Variants in FNBP4 observed in about 807,000 individuals in gnomAD.
FNBP4 encodes the protein formin-binding protein 4.
FNBP4 carries 34 observed loss-of-function variants against 119.3 expected under a neutral mutation model. The observed-to-expected ratio is 0.28, with a 90% CI of 0.22 to 0.38. The LOEUF is 0.38. Among genes scored for constraint, FNBP4 ranks in the 10% least tolerant of loss-of-function variants. The pLI, the probability that FNBP4 is intolerant of heterozygous loss-of-function variation, is 1.00. For synonymous variants in FNBP4, 462 were observed against 430.6 expected (o/e 1.07, Z -0.90); for missense variants, 1,112 against 1,228.9 (o/e 0.90, Z 1.42).
At chr11:47,754,759 T>A in intron 2 of FNBP4, 95 bp from the exon 3 acceptor site, 1 of 1,381,580 alleles carries the variant, frequency 7.2e-7, no homozygotes, top group Non-Finnish European at 9.9e-7. Context: ...TTTTTAAACT[T>A]ACTTACAGAT....
rs940948597 is a variant in FNBP4 at position 47,731,640 on chromosome 11, C to T, written c.1821-79G>A. On this transcript the variant is annotated intron_variant, in intron 11 of 16. Transcript: ENST00000263773. Reference sequence around the variant, plus strand: ...ACTTCCATTTGGTCCTGTCCCAGGACAGCAGTCTGCTTTCACAGGGACGAA... The same window carrying T: ...ACTTCCATTTGGTCCTGTCCCAGGATAGCAGTCTGCTTTCACAGGGACGAA... 4.6e-6 allele frequency: 7 copies of T among 1,520,272 alleles called. No individual in the cohort carries two copies. The African/African-American group carries it at 7.0e-5, about 15-fold the overall frequency. 94.2% of individuals were successfully genotyped at this position (1,520,272 alleles called of 1,614,324 possible). A position where few individuals can be genotyped will look rare whatever the true frequency, so the allele number is the denominator to read the frequency against.
chr11:47,721,436 AT>A (rs2097555541), intron 15 of FNBP4, among the ~76,000 whole-genome samples: 1 of 151,968 alleles, frequency 6.6e-6, no homozygotes, highest in African/African-American at 2.4e-5. Context: ...TACTAAAAAT[AT>A]AAAAAATACA....
intron 13 of FNBP4, 81 bp from the exon 14 acceptor site, chr11:47,724,253 G>A: frequency 1.3e-6 from 2 of 1,558,192 alleles, no homozygotes; most frequent in Non-Finnish European, 8.7e-7. Flanking sequence ...TTTGAGACAG[G>A]CTCTCATTCT....
In FNBP4 at chr11:47,751,298, A is replaced by G. The variant is rs376863819; in HGVS notation, c.638-8T>C. The G allele has an allele frequency of 1.6e-5, 26 of 1,613,696 alleles. No individual in the cohort carries two copies. The Admixed American group carries it at 3.3e-4, about 21-fold the overall frequency. On this transcript the variant is annotated splice_region_variant and splice_polypyrimidine_tract_variant and intron_variant, in intron 4 of 16. Coordinates refer to ENST00000263773, the MANE Select transcript of FNBP4 (RefSeq NM_015308.5). ...CGCCCATCTCAATTCCGACTAGAAGATAAAACAAATTTTAAGCACAAATCC... is the reference window on the plus strand; with the variant it reads ...CGCCCATCTCAATTCCGACTAGAAGGTAAAACAAATTTTAAGCACAAATCC...
At chr11:47,761,741 A>G (rs989089369) in intron 2 of FNBP4, among the ~76,000 whole-genome samples, 1 of 152,184 alleles carries the variant, frequency 6.6e-6, no homozygotes. Context: ...AAGTGAGACC[A>G]TGTCTACAGA....
chr11:47,732,012 G>C lies in FNBP4; in HGVS notation c.1821-451C>G, dbSNP rs1278458490. ...GATATCAAACACAGTGAAAGCTAAA[G>C]AGAGGGAGAGGATCTGGGAGCTGAA... On this transcript the variant is annotated intron_variant, in intron 11 of 16. Coordinates refer to ENST00000263773, the MANE Select transcript of FNBP4 (RefSeq NM_015308.5). The surrounding 1 kb of genome is among the most constrained non-coding windows in gnomAD (Gnocchi z 4.2). 2 of 992,810 alleles carry C rather than the reference G, an allele frequency of 2.0e-6. No individual in the cohort carries two copies. Among genetic ancestry groups the C allele is most frequent in the African/African-American group, 1.7e-5 (1 of 57,460 alleles). The allele number at this position is 992,810 out of a possible 1,614,324, so 61.5% of individuals were successfully genotyped here. A position where few individuals can be genotyped will look rare whatever the true frequency, so the allele number is the denominator to read the frequency against.
chr11:47,738,496 T>G (rs904545987), intron 8 of FNBP4, among the ~76,000 whole-genome samples: 152 of 151,686 alleles, frequency 1.0e-3, no homozygotes, highest in African/African-American at 3.3e-3. Flanking sequence ...ACCTGGGAGG[T>G]GGAGGTTGCA....
At chr11:47,727,435 G>A (rs1048578588) in intron 12 of FNBP4, among the ~76,000 whole-genome samples, 4 of 151,966 alleles carry the variant, frequency 2.6e-5, no homozygotes, top group Admixed American at 2.6e-4. Flanking sequence ...TTTTTAGTAA[G>A]AGAGGGGTTT....
intron 2 of FNBP4, among the ~76,000 whole-genome samples, chr11:47,755,595 A>G (rs1464543154): frequency 6.6e-6 from 1 of 151,808 alleles, no homozygotes; most frequent in African/African-American, 2.4e-5. Flanking sequence ...ACCAGCCTCG[A>G]AAACATAGTG....
intron 8 of FNBP4, among the ~76,000 whole-genome samples, chr11:47,739,956 TTTTGTTTGTTTG>T (rs148271316): frequency 2.7e-5 from 4 of 150,622 alleles, no homozygotes; most frequent in Non-Finnish European, 5.9e-5. Context: ...TTTTATGTAT[TTTTGTTTGTTTG>T]TTTGTTTGTT....
chr11:47,766,692 CGT>C (rs1195822389), intron 1 of FNBP4, among the ~76,000 whole-genome samples: 1 of 152,244 alleles, frequency 6.6e-6, no homozygotes, highest in Non-Finnish European at 1.5e-5. Context: ...AGGCAGATGA[CGT>C]GTGGAAAGGC....
Position 47,717,414 on chromosome 11 carries a change from C to T in FNBP4, c.*8G>A. Reference sequence around the variant, plus strand: ...CAATAATACAAAAAAGTTTTAAAAACTTAAAAACTATGTGTTTGGAGCCAT... The same window carrying T: ...CAATAATACAAAAAAGTTTTAAAAATTTAAAAACTATGTGTTTGGAGCCAT... On this transcript the variant is annotated 3_prime_UTR_variant, in exon 17 of 17. Transcript: ENST00000263773. The T allele has an allele frequency of 6.3e-7, 1 of 1,596,994 alleles. No homozygotes were observed. The highest frequency in any genetic ancestry group is 8.6e-7 in the Non-Finnish European group (1 of 1,169,282).
intron 6 of FNBP4, among the ~76,000 whole-genome samples, chr11:47,750,610 AC>A (rs1176722113): frequency 7.9e-6 from 1 of 126,422 alleles, no homozygotes; most frequent in Non-Finnish European, 1.6e-5. Context: ...AATGGTGTGA[AC>A]CCGGGAGGTG....
chr11:47,720,983 C>T (rs544970021), intron 15 of FNBP4, among the ~76,000 whole-genome samples: 279 of 151,856 alleles, frequency 1.8e-3, no homozygotes, highest in African/African-American at 6.4e-3. Context: ...GAGACTCTGT[C>T]TCAAATAAAT....
intron 8 of FNBP4, chr11:47,743,684 A>T (rs1490955428): frequency 2.3e-6 from 1 of 439,620 alleles, no homozygotes; most frequent in Non-Finnish European, 4.1e-6. Flanking sequence ...ACCCACACAG[A>T]GGCTGGGCAA....
intron 8 of FNBP4, among the ~76,000 whole-genome samples, chr11:47,743,032 C>T (rs958927125): frequency 4.0e-5 from 6 of 151,234 alleles, no homozygotes; most frequent in Non-Finnish European, 7.4e-5. Context: ...TGCTATGTTG[C>T]CCAGCTAGCC....
rs747309116 is a variant in FNBP4, at chr11:47,732,516, A to G, written c.1820+21T>C. The G allele has an allele frequency of 2.5e-6, 4 of 1,613,658 alleles. No homozygotes were observed. In the Admixed American group the frequency reaches 6.7e-5, roughly 27 times the overall value. On this transcript the variant is annotated intron_variant, in intron 11 of 16. Coordinates refer to ENST00000263773, the MANE Select transcript of FNBP4 (RefSeq NM_015308.5). This position sits in a 1 kb window ranked among gnomAD's most constrained non-coding sequence, Gnocchi z 4.2. Reference sequence around the variant, plus strand: ...CTGAGATGTCAAAGGTGAAAGGTGAAAAGGGGAGAAGAGTGCGTACCTGTC... The same window carrying G: ...CTGAGATGTCAAAGGTGAAAGGTGAGAAGGGGAGAAGAGTGCGTACCTGTC...
At position 47,720,030 on chromosome 11, in the gene FNBP4, C is replaced by A; in HGVS notation, c.2862G>T (p.Gln954His). 6.2e-7 allele frequency: 1 copy of A among 1,614,162 alleles called. No individual in the cohort carries two copies. Among genetic ancestry groups the A allele is most frequent in the Non-Finnish European group, 8.5e-7 (1 of 1,180,018 alleles). The change falls in exon 16 of 17, where the codon CAG (glutamine) becomes CAT (histidine). Residue 954 changes from glutamine to histidine, a missense_variant. Physicochemically the swap from Gln to His is conservative, Grantham distance 24. Coordinates refer to ENST00000263773, the MANE Select transcript of FNBP4 (RefSeq NM_015308.5). ...PSLVKKWQSI[Q>H]RELDEEDNSS... ...AATTGTCCTCTTCATCTAACTCACG[C>A]TGGATACTCTGCCACTTTTTTACCA... is the stretch of plus-strand genomic sequence containing the variant.
intron 5 of FNBP4, 24 bp from the exon 6 acceptor site, chr11:47,751,060 GA>G (rs2097602358): frequency 1.2e-6 from 2 of 1,612,240 alleles, no homozygotes; most frequent in African/African-American, 2.7e-5. Context: ...TACTTAGCAA[GA>G]GAAATATAAG....
Sources: allele counts gnomAD v4.1 joint callset (sites outside exome capture counted in the v4.1 genomes callset), GRCh38; gene constraint gnomAD v4.1.1; non-coding constraint Gnocchi (gnomAD v3.1); transcripts MANE v1.5; gene names NCBI Gene and HGNC (gene_info 2026-07-23, HGNC 2026-07-21).